Variants in STPG4 observed in about 807,000 individuals in gnomAD.
STPG4 encodes the protein protein STPG4.
STPG4 carries 41 observed loss-of-function variants against 31.5 expected under a neutral mutation model. That is an observed-to-expected ratio of 1.30 (90% CI 1.01 to 1.69). The LOEUF is 1.69. Among genes scored for constraint, STPG4 ranks in the 40% most tolerant of loss-of-function variants. The pLI is 0.00. For synonymous variants in STPG4, 141 were observed against 103.0 expected (o/e 1.37, Z -2.24); for missense variants, 375 against 293.4 (o/e 1.28, Z -2.03).
chr2:47,099,849 C>G (rs1395600475), intron 5 of STPG4, among the ~76,000 whole-genome samples: 2 of 152,216 alleles, frequency 1.3e-5, no homozygotes, highest in African/African-American at 4.8e-5. Context: ...CCTGCTGGCC[C>G]CGGGCAATGA....
chr2:47,129,690 C>T (rs1036369135), intron 5 of STPG4: 19 of 393,210 alleles, frequency 4.8e-5, no homozygotes, highest in African/African-American at 3.9e-4. Flanking sequence ...TCAAGACTGT[C>T]TTTTCTACCC....
rs542807417 is a variant in STPG4 at position 47,135,302 on chromosome 2, T to C, written c.400-5042A>G. 5.4e-4 allele frequency among the ~76,000 whole-genome samples: 82 copies of C among 152,310 alleles called. No individual in the cohort carries two copies. The South Asian group carries it at 0.015, about 27-fold the overall frequency. On this transcript the variant is annotated intron_variant, in intron 3 of 6. Transcript: ENST00000445927. The stretch of plus-strand genomic sequence containing the variant: ...ATGTTACCTTCTAGAAGTTGTATAG[T>C]CTTGCTTTTTACATTTAAGTTTTGT...
At chr2:47,098,810 G>C (rs1685730081) in intron 5 of STPG4, among the ~76,000 whole-genome samples, 1 of 151,580 alleles carries the variant, frequency 6.6e-6, no homozygotes, top group African/African-American at 2.4e-5. Context: ...TGTGGAGGTG[G>C]GTACAGAGAA....
At chr2:47,124,957 G>A (rs1686337875) in intron 5 of STPG4, among the ~76,000 whole-genome samples, 1 of 152,110 alleles carries the variant, frequency 6.6e-6, no homozygotes, top group African/African-American at 2.4e-5. Context: ...TTGGATATAA[G>A]TCATTTAAAC....
At chr2:47,151,858 A>G (rs1173107981) in intron 2 of STPG4, among the ~76,000 whole-genome samples, 2 of 151,386 alleles carry the variant, frequency 1.3e-5, no homozygotes, top group Non-Finnish European at 2.9e-5. Context: ...CTCCTGCCTC[A>G]GCCTCCCAAG....
chr2:47,101,096 G>A (rs867936833), intron 5 of STPG4, among the ~76,000 whole-genome samples: 20 of 151,720 alleles, frequency 1.3e-4, no homozygotes, highest in African/African-American at 3.4e-4. Flanking sequence ...GAGTACCATC[G>A]GACCCCTTTA....
chr2:47,120,057 G>A (rs779908714), intron 5 of STPG4, among the ~76,000 whole-genome samples: 1 of 152,134 alleles, frequency 6.6e-6, no homozygotes, highest in Non-Finnish European at 1.5e-5. Flanking sequence ...CAGGCCAGGG[G>A]CGGTGGCTCA....
chr2:47,125,871 T>G (rs1030837402), intron 5 of STPG4, among the ~76,000 whole-genome samples: 1 of 152,204 alleles, frequency 6.6e-6, no homozygotes, highest in Admixed American at 6.5e-5. Context: ...ATTTAAGTCT[T>G]TAATCCATTT....
At chr2:47,154,845 C>A (rs371715610) in intron 1 of STPG4, among the ~76,000 whole-genome samples, 2 of 151,962 alleles carry the variant, frequency 1.3e-5, no homozygotes, top group Admixed American at 1.3e-4. Flanking sequence ...GCAGATGGAG[C>A]GGAAAGGGAA....
At chr2:47,115,347 T>C (rs752352005) in intron 5 of STPG4, among the ~76,000 whole-genome samples, 2 of 152,188 alleles carry the variant, frequency 1.3e-5, no homozygotes, top group South Asian at 2.1e-4. Flanking sequence ...CTGGGTCCCA[T>C]GCCTTCCTCT....
At chr2:47,133,247 G>A (rs1016066708) in intron 3 of STPG4, among the ~76,000 whole-genome samples, 7 of 151,432 alleles carry the variant, frequency 4.6e-5, no homozygotes, top group East Asian at 1.9e-4. Context: ...AGCTCACTGC[G>A]CTTCAACCTC....
chr2:47,105,127 G>T (rs181539478), intron 5 of STPG4, among the ~76,000 whole-genome samples: 25 of 151,986 alleles, frequency 1.6e-4, no homozygotes, highest in Admixed American at 5.2e-4. Context: ...ACAAGCTCCA[G>T]CTTTAAGCCT....
intron 5 of STPG4, among the ~76,000 whole-genome samples, chr2:47,091,827 G>A (rs1192560456): frequency 6.6e-6 from 1 of 152,076 alleles, no homozygotes; most frequent in Non-Finnish European, 1.5e-5. Flanking sequence ...AAACAATTGA[G>A]AATGTGTGCA....
Position 47,126,914 on chromosome 2 carries a change from T to C in STPG4, c.519+3027A>G, listed in dbSNP as rs148064871. Among the ~76,000 whole-genome samples, 1,516 of 152,280 alleles carry C rather than the reference T, an allele frequency of 1.0e-2. 85 individuals are homozygous for C. Among genetic ancestry groups the C allele is most frequent in the Admixed American group, 0.092 (1,408 of 15,286 alleles). Reference sequence around the variant, plus strand: ...TGGTGCTCCATTGTATGTTATTTACTTCTTTCCTCTTGTGCTTTAGGATCC... The same window carrying C: ...TGGTGCTCCATTGTATGTTATTTACCTCTTTCCTCTTGTGCTTTAGGATCC... On this transcript the variant is annotated intron_variant, in intron 5 of 6. Coordinates refer to ENST00000445927, the MANE Select transcript of STPG4 (RefSeq NM_001163561.2).
chr2:47,112,056 TC>T (rs1686047367), intron 5 of STPG4, among the ~76,000 whole-genome samples: 1 of 152,070 alleles, frequency 6.6e-6, no homozygotes, highest in African/African-American at 2.4e-5. Flanking sequence ...ATTTCTAAAT[TC>T]AAACTTAATG....
At chr2:47,121,613 A>G (rs1177019215) in intron 5 of STPG4, among the ~76,000 whole-genome samples, 1 of 152,188 alleles carries the variant, frequency 6.6e-6, no homozygotes, top group Non-Finnish European at 1.5e-5. Flanking sequence ...ATAACAAATT[A>G]CTACAAATTC....
intron 5 of STPG4, among the ~76,000 whole-genome samples, chr2:47,119,183 A>C (rs1013938841): frequency 3.3e-5 from 5 of 152,248 alleles, no homozygotes; most frequent in African/African-American, 9.6e-5. Flanking sequence ...AACCAAATCC[A>C]TAAGTCTGCT....
chr2:47,151,222 T>C (rs773696315), intron 3 of STPG4, 36 bp downstream of exon 3: 8 of 1,608,604 alleles, frequency 5.0e-6, no homozygotes, highest in Middle Eastern at 3.3e-4. Flanking sequence ...TCTTAGTAGC[T>C]TTCCCACACA....
chr2:47,151,172 G>C, intron 3 of STPG4, 86 bp downstream of exon 3: 1 of 1,470,794 alleles, frequency 6.8e-7, no homozygotes, highest in Non-Finnish European at 9.2e-7. Flanking sequence ...TCTCCTGGGG[G>C]AAGATATACT....
Sources: gnomAD v4.1 joint callset for allele counts (sites outside exome capture counted in the v4.1 genomes callset) on GRCh38, gnomAD v4.1.1 for gene constraint, MANE v1.5 for transcripts, NCBI Gene and HGNC (gene_info 2026-07-23, HGNC 2026-07-21) for gene names.